Variants in AGTPBP1 observed in about 807,000 individuals in gnomAD.
AGTPBP1 encodes cytosolic carboxypeptidase 1.
Under a neutral mutation model 143.9 loss-of-function variants are expected in AGTPBP1, and 70 were observed. The ratio of observed to expected loss-of-function variants is 0.49; its 90% CI spans 0.40 to 0.59. The LOEUF is 0.59. AGTPBP1 is among the 20% of genes least tolerant of loss of function. The pLI, the probability that AGTPBP1 is intolerant of heterozygous loss-of-function variation, is 0.00. For synonymous variants in AGTPBP1, 463 were observed against 500.2 expected (o/e 0.93, Z 0.99); for missense variants, 1,229 against 1,464.5 (o/e 0.84, Z 2.62).
rs183127052 is a variant in AGTPBP1, at chr9:85,588,992, C to T, written c.2723-514G>A. On this transcript the variant is annotated intron_variant, in intron 20 of 25. Coordinates refer to ENST00000357081, the MANE Select transcript of AGTPBP1 (RefSeq NM_001330701.2). ...GTCTACAAAATAATCATTCAGCTTA[C>T]CACTCATATTTTCGATACACAATAA... 6.5e-3 allele frequency among the ~76,000 whole-genome samples: 989 copies of T among 152,102 alleles called. 3 individuals carry two copies. The highest frequency in any genetic ancestry group is 0.017 in the Middle Eastern group (5 of 294).
At position 85,660,967 on chromosome 9, in the gene AGTPBP1, A is replaced by T. The variant is rs1367622553; in HGVS notation, c.669T>A (p.Ala223=). Residue 223 remains alanine, a synonymous_variant, in exon 9 of 26, where the codon GCT becomes GCA. Coordinates refer to ENST00000357081, the MANE Select transcript of AGTPBP1 (RefSeq NM_001330701.2). ...TTAGCAATGCAGCAAGAGTGTCTAAAGCAACCCTGTCAACACAACAAGAAA... is the reference window on the plus strand; with the variant it reads ...TTAGCAATGCAGCAAGAGTGTCTAATGCAACCCTGTCAACACAACAAGAAA... The part of the protein sequence containing the change: ...SKKNSSLIKV[A]LDTLAALLKS... The T allele has an allele frequency of 6.3e-7, 1 of 1,597,546 alleles. No homozygotes were observed.
intron 17 of AGTPBP1, among the ~76,000 whole-genome samples, chr9:85,598,259 G>C (rs1829425091): frequency 6.6e-6 from 1 of 151,778 alleles, no homozygotes; most frequent in African/African-American, 2.4e-5. Flanking sequence ...TTTTTAAAGT[G>C]TATTTCCAGG....
intron 25 of AGTPBP1, among the ~76,000 whole-genome samples, chr9:85,574,767 G>A (rs111248190): frequency 6.6e-5 from 10 of 151,258 alleles, no homozygotes; most frequent in African/African-American, 2.4e-4. Flanking sequence ...AGAGTGCAGT[G>A]GTGAAATCTT....
intron 3 of AGTPBP1, among the ~76,000 whole-genome samples, chr9:85,683,455 T>TA (rs1484501519): frequency 3.3e-5 from 5 of 152,010 alleles, no homozygotes; most frequent in East Asian, 1.9e-4. Context: ...CCATGAAGGG[T>TA]AAAAAAAACT....
At chr9:85,548,679 T>A (rs12001406) in intron 25 of AGTPBP1, among the ~76,000 whole-genome samples, 1 of 143,204 alleles carries the variant, frequency 7.0e-6, no homozygotes, top group African/African-American at 2.9e-5. Flanking sequence ...TTTTTTGTTT[T>A]TGTTTTTGTT....
At chr9:85,626,858 G>A (rs562294742) in intron 14 of AGTPBP1, among the ~76,000 whole-genome samples, 6 of 152,266 alleles carry the variant, frequency 3.9e-5, no homozygotes, top group African/African-American at 1.4e-4. Flanking sequence ...CATGTGCCAC[G>A]AAGCCTTATT....
At chr9:85,624,480 T>A (rs1831149186) in intron 14 of AGTPBP1, among the ~76,000 whole-genome samples, 1 of 152,208 alleles carries the variant, frequency 6.6e-6, no homozygotes, top group South Asian at 2.1e-4. Context: ...AAATGCTTGT[T>A]ACTGAATTGT....
At chr9:85,653,472 G>T (rs1293917655) in intron 11 of AGTPBP1, among the ~76,000 whole-genome samples, 1 of 152,096 alleles carries the variant, frequency 6.6e-6, no homozygotes, top group Non-Finnish European at 1.5e-5. Context: ...CTAGAGGTCG[G>T]CTTTCTCTAT....
At chr9:85,669,243 A>T (rs1179011738) in intron 8 of AGTPBP1, among the ~76,000 whole-genome samples, 2 of 151,920 alleles carry the variant, frequency 1.3e-5, no homozygotes, top group Admixed American at 6.6e-5. Flanking sequence ...AGAAATGTTC[A>T]GTCTAAGTTA....
chr9:85,665,991 T>C (rs956274297), intron 8 of AGTPBP1, among the ~76,000 whole-genome samples: 2 of 152,146 alleles, frequency 1.3e-5, no homozygotes, highest in African/African-American at 4.8e-5. Flanking sequence ...TTGAAATGCA[T>C]AGTTTGTAGT....
rs146175684 is a variant in AGTPBP1 at position 85,686,632 on chromosome 9, T to C, written c.158-5297A>G. On this transcript the variant is annotated intron_variant, in intron 3 of 25. Coordinates refer to ENST00000357081, the MANE Select transcript of AGTPBP1 (RefSeq NM_001330701.2). ...GATTGTGTAAGCAATAATTACAACA[T>C]TGTATTGTTGGGATTCTAATATGTA... is the stretch of plus-strand genomic sequence containing the variant. Among the ~76,000 whole-genome samples the C allele has an allele frequency of 2.3e-3, 344 of 152,290 alleles. 7 individuals carry two copies. Among genetic ancestry groups the C allele is most frequent in the Admixed American group, 0.018 (280 of 15,300 alleles).
At chr9:85,552,747 A>G (rs1157041571) in intron 25 of AGTPBP1, among the ~76,000 whole-genome samples, 1 of 152,224 alleles carries the variant, frequency 6.6e-6, no homozygotes, top group Admixed American at 6.5e-5. Flanking sequence ...TCTCAAGCCA[A>G]TAGGATGAAA....
At chr9:85,602,968 G>A (rs1829762350) in intron 17 of AGTPBP1, among the ~76,000 whole-genome samples, 1 of 152,208 alleles carries the variant, frequency 6.6e-6, no homozygotes, top group East Asian at 1.9e-4. Context: ...TATTTAGACT[G>A]ACCTAGCCAG....
chr9:85,680,790 A>G (rs1224952641), intron 4 of AGTPBP1, among the ~76,000 whole-genome samples: 1 of 152,220 alleles, frequency 6.6e-6, no homozygotes, highest in African/African-American at 2.4e-5. Flanking sequence ...CTGCTGGTCC[A>G]CCAAAAACTT....
intron 1 of AGTPBP1, among the ~76,000 whole-genome samples, chr9:85,724,059 G>A (rs986210379): frequency 6.6e-6 from 1 of 152,090 alleles, no homozygotes; most frequent in African/African-American, 2.4e-5. Context: ...GGCCGAGGAA[G>A]GTGGATCACT....
At chr9:85,748,599 A>G in the AGTPBP1 span, among the ~76,000 whole-genome samples, 54 of 152,246 alleles carry the variant, frequency 3.5e-4, no homozygotes, top group Non-Finnish European at 6.6e-4. Flanking sequence ...TAGTTCTCCA[A>G]TGTGCCTTAC....
At chr9:85,722,405 T>C (rs1469022010) in intron 1 of AGTPBP1, among the ~76,000 whole-genome samples, 1 of 152,216 alleles carries the variant, frequency 6.6e-6, no homozygotes, top group Non-Finnish European at 1.5e-5. Flanking sequence ...GTCTTCTTGC[T>C]TTATTTCATT....
At chr9:85,572,803 C>G (rs1278513008) in intron 25 of AGTPBP1, among the ~76,000 whole-genome samples, 2 of 152,056 alleles carry the variant, frequency 1.3e-5, no homozygotes, top group Non-Finnish European at 2.9e-5. Flanking sequence ...TTAGGAGGTA[C>G]TTTGAAGGAT....
At chr9:85,771,551 A>G in the AGTPBP1 span, among the ~76,000 whole-genome samples, 1 of 152,170 alleles carries the variant, frequency 6.6e-6, no homozygotes, top group African/African-American at 2.4e-5. Context: ...TTGGATAATC[A>G]TCATCAGTAG....
Sources: gnomAD v4.1 joint callset for allele counts (sites outside exome capture counted in the v4.1 genomes callset) on GRCh38, gnomAD v4.1.1 for gene constraint, MANE v1.5 for transcripts, NCBI Gene and HGNC (gene_info 2026-07-23, HGNC 2026-07-21) for gene names.